The following RPP21 variants were observed in gnomAD, a reference collection of about 807,000 sequenced individuals.
RPP21 encodes ribonuclease P protein subunit p21.
A neutral mutation model predicts 19.0 loss-of-function variants in RPP21; 21 were observed. The observed-to-expected ratio is 1.11, with a 90% CI of 0.78 to 1.59. The LOEUF (loss-of-function observed/expected upper bound fraction) is 1.59, where lower values mean the gene tolerates loss of function less well. Ranked by LOEUF, RPP21 falls within the 40% of genes most tolerant of loss-of-function variation. RPP21 has a pLI of 0.00. For missense variants in RPP21, 215 were observed against 200.2 expected (o/e 1.07, Z -0.45); for synonymous variants, 93 against 78.7 (o/e 1.18, Z -0.96).
rs1204856019 is a variant in RPP21, at chr6:30,346,714, T to C, written c.369T>C (p.Asp123=). The C allele has an allele frequency of 9.3e-6, 15 of 1,613,476 alleles. No homozygotes were observed. The highest frequency in any genetic ancestry group is 1.3e-5 in the Non-Finnish European group (15 of 1,180,024). ...RPEAQLGSQA[D]SKPLQPLPNT... ...CTCTGATTCTGCTCATTTACTCAGA[T>C]TCCAAACCACTACAACCCTTGCCAA... is the stretch of plus-strand genomic sequence containing the variant. Residue 123 remains aspartate, a splice_region_variant and synonymous_variant, in exon 5 of 5, where the codon GAT becomes GAC. Transcript: ENST00000442966. The surrounding 1 kb of genome is among the most constrained non-coding windows in gnomAD (Gnocchi z 4.7).
intron 2 of RPP21, 43 bp from the exon 3 acceptor site, chr6:30,345,448 G>GA (rs1788022282): frequency 1.2e-6 from 2 of 1,611,264 alleles, no homozygotes; most frequent in African/African-American, 2.7e-5. Context: ...AGGAACGCGA[G>GA]AGGGAGCGCG....
chr6:30,346,140 C>A lies in RPP21; in HGVS notation c.242-292C>A. On this transcript the variant is annotated intron_variant, in intron 3 of 4. Coordinates refer to ENST00000442966, the MANE Select transcript of RPP21 (RefSeq NM_024839.4). The surrounding 1 kb of genome is among the most constrained non-coding windows in gnomAD (Gnocchi z 4.7). ...GAGACAAGAGAGCTTGTGGTGCTGT[C>A]AAAGAAATGAGAGTTCAGGAGGCTG... 2.7e-6 allele frequency: 1 copy of A among 368,588 alleles called. No homozygotes were observed. The highest frequency in any genetic ancestry group is 4.9e-6 in the Non-Finnish European group (1 of 204,700). The allele number at this position is 368,588 out of a possible 1,614,324, so 22.8% of individuals were successfully genotyped here. A position where few individuals can be genotyped will look rare whatever the true frequency, so the allele number is the denominator to read the frequency against.
chr6:30,346,776 A>C lies in RPP21; in HGVS notation c.431A>C (p.Glu144Ala). 1 of 1,613,224 alleles carries C rather than the reference A, an allele frequency of 6.2e-7. No homozygotes were observed. Among genetic ancestry groups the C allele is most frequent in the Non-Finnish European group, 8.5e-7 (1 of 1,180,004 alleles). Residue 144 changes from glutamate (E) to alanine (A), a missense_variant, in exon 5 of 5, where the codon GAG (glutamate) becomes GCG (alanine). Physicochemically the swap from Glu to Ala is moderately radical, Grantham distance 107. Transcript: ENST00000442966. This position sits in a 1 kb window ranked among gnomAD's most constrained non-coding sequence, Gnocchi z 4.7. ...AHSISDRLPE[E>A]KMQTQGSSNQ The stretch of plus-strand genomic sequence containing the variant: ...TCCATTTCAGACCGCCTTCCTGAGG[A>C]GAAAATGCAGACTCAGGGTTCCAGT...
rs938398555 is a variant in RPP21 at position 30,345,540 on chromosome 6, G to T, written c.208G>T (p.Val70Phe). 2.0e-5 allele frequency: 31 copies of T among 1,586,458 alleles called. No individual in the cohort carries two copies. Among genetic ancestry groups the T allele is most frequent in the Non-Finnish European group, 2.5e-5 (29 of 1,165,750 alleles). Residue 70 changes from valine (V) to phenylalanine (F), a missense_variant, in exon 3 of 5, where the codon GTC becomes TTC. Val to Phe is a conservative substitution (Grantham distance 50). Coordinates refer to ENST00000442966, the MANE Select transcript of RPP21 (RefSeq NM_024839.4). ...TLCRGCSSLL[V>F]PGLTCTQRQR... The stretch of plus-strand genomic sequence containing the variant: ...CTGTCGAGGCTGCTCTTCCCTCCTC[G>T]TCCCGGGCCTCACCTGCACCCAGCG...
In RPP21 at chr6:30,345,593, T is replaced by G. The variant is rs1462720059; in HGVS notation, c.241+20T>G. ...AGAGACGTGAGTGCTCCAACGGAGG[T>G]GGAAGACTGCGGAGCATTGGGGGCG... On this transcript the variant is annotated intron_variant, in intron 3 of 4. Transcript: ENST00000442966. 8 of 1,268,212 alleles carry G rather than the reference T, an allele frequency of 6.3e-6. No individual in the cohort carries two copies. Among genetic ancestry groups the G allele is most frequent in the East Asian group, 1.1e-4 (2 of 18,604 alleles). The allele number at this position is 1,268,212 out of a possible 1,614,324, so 78.6% of individuals were successfully genotyped here.
intron 3 of RPP21, chr6:30,345,902 C>A: frequency 2.9e-6 from 1 of 340,934 alleles, no homozygotes; most frequent in Non-Finnish European, 5.3e-6. Context: ...ATTTATTAAG[C>A]AAATACTTAT....
chr6:30,345,738 A>G (rs1788092162), intron 3 of RPP21, 165 bp downstream of exon 3: 2 of 824,382 alleles, frequency 2.4e-6, no homozygotes, highest in Non-Finnish European at 3.6e-6. Context: ...TTAAGTTCCT[A>G]ACGCCACTTG....
intron 2 of RPP21, 28 bp downstream of exon 2, chr6:30,345,426 G>A (rs1392930981): frequency 7.5e-6 from 12 of 1,607,980 alleles, no homozygotes; most frequent in East Asian, 6.7e-5. Context: ...CGGGCGGCGG[G>A]CGGGACGCGG....
rs1432167951 is a variant in RPP21, at chr6:30,345,418, G to A, written c.158+20G>A. The A allele has an allele frequency of 5.6e-6, 9 of 1,611,752 alleles. No individual in the cohort carries two copies. Among genetic ancestry groups the A allele is most frequent in the Non-Finnish European group, 7.6e-6 (9 of 1,179,146 alleles). On this transcript the variant is annotated intron_variant, in intron 2 of 4. Transcript: ENST00000442966. Reference sequence around the variant, plus strand: ...GCGGCGGTGAGACAGCCACGGGGCGGGCGGCGGGCGGGACGCGGGAGGAAC... The same window carrying A: ...GCGGCGGTGAGACAGCCACGGGGCGAGCGGCGGGCGGGACGCGGGAGGAAC...
rs1028062095 is a variant in RPP21 at position 30,345,295 on chromosome 6, C to T, written c.58-3C>T. On this transcript the variant is annotated splice_polypyrimidine_tract_variant and splice_region_variant and intron_variant, in intron 1 of 4. Coordinates refer to ENST00000442966, the MANE Select transcript of RPP21 (RefSeq NM_024839.4). ...TCCCAGAGTGACTGCTCCCCTCCCG[C>T]AGGCCGCCCATTGTGTCCTTGCCCA... is the stretch of plus-strand genomic sequence containing the variant. 3.3e-5 allele frequency: 54 copies of T among 1,613,628 alleles called. No individual in the cohort carries two copies. The highest frequency in any genetic ancestry group is 4.5e-5 in the Non-Finnish European group (53 of 1,179,918).
chr6:30,346,273 A>G lies in RPP21; in HGVS notation c.242-159A>G. ...TATCTTAAAGAGTTCCAGGAAATCGATGGAGCTTATGCCGAGGCCTGACAC... is the reference window on the plus strand; with the variant it reads ...TATCTTAAAGAGTTCCAGGAAATCGGTGGAGCTTATGCCGAGGCCTGACAC... On this transcript the variant is annotated intron_variant, in intron 3 of 4. Coordinates refer to ENST00000442966, the MANE Select transcript of RPP21 (RefSeq NM_024839.4). The surrounding 1 kb of genome is among the most constrained non-coding windows in gnomAD (Gnocchi z 4.7). The G allele has an allele frequency of 8.0e-7, 1 of 1,256,632 alleles. No homozygotes were observed. The highest frequency in any genetic ancestry group is 2.5e-5 in the East Asian group (1 of 40,308). 77.8% of individuals were successfully genotyped at this position (1,256,632 alleles called of 1,614,324 possible).
chr6:30,345,375 T>A lies in RPP21; in HGVS notation c.135T>A (p.Ile45=). The A allele has an allele frequency of 6.2e-7, 1 of 1,612,558 alleles. No homozygotes were observed. Among genetic ancestry groups the A allele is most frequent in the Non-Finnish European group, 8.5e-7 (1 of 1,179,750 alleles). ...ARFYCYTERT[I]AKRLVLRRDP... is the part of the protein sequence containing the mutation. ...TTTACTGCTACACTGAGAGGACCAT[T>A]GCGAAGCGGCTCGTCTTGCGGCGGT... Residue 45 remains isoleucine (I), a synonymous_variant, in exon 2 of 5, where the codon ATT becomes ATA. Coordinates refer to ENST00000442966, the MANE Select transcript of RPP21 (RefSeq NM_024839.4).
In RPP21 at chr6:30,345,325, C is replaced by G; in HGVS notation, c.85C>G (p.Pro29Ala). 1 of 1,613,658 alleles carries G rather than the reference C, an allele frequency of 6.2e-7. No individual in the cohort carries two copies. Among genetic ancestry groups the G allele is most frequent in the African/African-American group, 1.3e-5 (1 of 75,030 alleles). The change falls in exon 2 of 5, where the codon CCC becomes GCC. Residue 29 changes from proline to alanine, a missense_variant. Coordinates refer to ENST00000442966, the MANE Select transcript of RPP21 (RefSeq NM_024839.4). ...CGCCCATTGTGTCCTTGCCCAGGAC[C>G]CCGAGAACCAGGCGCTGGCGAGGTT... ...QAAHCVLAQDPENQALARFYC... is the reference protein window; with the variant it reads ...QAAHCVLAQDAENQALARFYC...
chr6:30,345,564 C>A lies in RPP21; in HGVS notation c.232C>A (p.Arg78Ser). The A allele has an allele frequency of 4.5e-6, 7 of 1,567,036 alleles. No homozygotes were observed. Among genetic ancestry groups the A allele is most frequent in the Non-Finnish European group, 6.1e-6 (7 of 1,155,336 alleles). ...CGTCCCGGGCCTCACCTGCACCCAG[C>A]GCCAGAGACGTGAGTGCTCCAACGG... ...LLVPGLTCTQ[R>S]QRRCRGQRWT... The change falls in exon 3 of 5, where the codon CGC (arginine) becomes AGC (serine). Residue 78 changes from arginine (R) to serine (S), a missense_variant. Physicochemically the swap from Arg to Ser is moderately radical, Grantham distance 110 (BLOSUM62 -1). Coordinates refer to ENST00000442966, the MANE Select transcript of RPP21 (RefSeq NM_024839.4).
intron 3 of RPP21, chr6:30,345,815 CTT>C: frequency 2.0e-6 from 1 of 511,168 alleles, no homozygotes; most frequent in South Asian, 3.1e-5. Flanking sequence ...TAAATAATAA[CTT>C]TTAAGAGGCA....
Position 30,345,383 on chromosome 6 carries a change from G to A in RPP21, c.143G>A (p.Arg48Gln). The stretch of plus-strand genomic sequence containing the variant: ...TACACTGAGAGGACCATTGCGAAGC[G>A]GCTCGTCTTGCGGCGGTGAGACAGC... ...YCYTERTIAK[R>Q]LVLRRDPSVK... The change falls in exon 2 of 5, where the codon CGG becomes CAG. Residue 48 changes from arginine (R) to glutamine (Q), a missense_variant. Coordinates refer to ENST00000442966, the MANE Select transcript of RPP21 (RefSeq NM_024839.4). The A allele has an allele frequency of 6.2e-7, 1 of 1,612,886 alleles. No homozygotes were observed. Among genetic ancestry groups the A allele is most frequent in the Non-Finnish European group, 8.5e-7 (1 of 1,179,820 alleles).
At chr6:30,345,607 G>A (rs779978253) in intron 3 of RPP21, 34 bp downstream of exon 3, 1 of 953,006 alleles carries the variant, frequency 1.0e-6, no homozygotes, top group Non-Finnish European at 1.4e-6. Flanking sequence ...AGACTGCGGA[G>A]CATTGGGGGC....
Position 30,346,335 on chromosome 6 carries a change from G to T in RPP21, c.242-97G>T. 3 of 1,548,858 alleles carry T rather than the reference G, an allele frequency of 1.9e-6. No homozygotes were observed. Among genetic ancestry groups the T allele is most frequent in the Non-Finnish European group, 2.6e-6 (3 of 1,141,512 alleles). ...CATTCAAATTGGGGGTGTGGTGGGG[G>T]AGCGGGGATACCTACTGAAAAACAC... On this transcript the variant is annotated intron_variant, in intron 3 of 4. Coordinates refer to ENST00000442966, the MANE Select transcript of RPP21 (RefSeq NM_024839.4). The surrounding 1 kb of genome is among the most constrained non-coding windows in gnomAD (Gnocchi z 4.7).
chr6:30,346,196 C>G lies in RPP21; in HGVS notation c.242-236C>G. ...TGAGGTAGGAGGGCAAAACATGAGA[C>G]TGGAGGGGGAAACAGGCCAGTTCTT... On this transcript the variant is annotated intron_variant, in intron 3 of 4. Transcript: ENST00000442966. This position sits in a 1 kb window ranked among gnomAD's most constrained non-coding sequence, Gnocchi z 4.7. 1 of 614,466 alleles carries G rather than the reference C, an allele frequency of 1.6e-6. No individual in the cohort carries two copies. The highest frequency in any genetic ancestry group is 2.9e-5 in the South Asian group (1 of 34,430). 38.1% of individuals were successfully genotyped at this position (614,466 alleles called of 1,614,324 possible).
Sources: allele counts gnomAD v4.1 joint callset, GRCh38; gene constraint gnomAD v4.1.1; non-coding constraint Gnocchi (gnomAD v3.1); transcripts MANE v1.5; gene names NCBI Gene and HGNC (gene_info 2026-07-23, HGNC 2026-07-21).